The following CNTN6 variants were observed in gnomAD, a reference collection of about 807,000 sequenced individuals.
CNTN6 encodes contactin-6.
A neutral mutation model predicts 122.8 loss-of-function variants in CNTN6; 137 were observed. The ratio of observed to expected loss-of-function variants is 1.12; its 90% CI spans 0.97 to 1.29. The LOEUF (loss-of-function observed/expected upper bound fraction) is 1.29. CNTN6 is among the 50% of genes most tolerant of loss of function. The pLI, the probability that CNTN6 is intolerant of heterozygous loss-of-function variation, is 0.00. For synonymous variants in CNTN6, 570 were observed against 426.0 expected (o/e 1.34, Z -4.16); for missense variants, 1,634 against 1,223.4 (o/e 1.34, Z -5.01).
At chr3:1,358,533 T>G (rs920647945) in intron 12 of CNTN6, among the ~76,000 whole-genome samples, 1 of 151,810 alleles carries the variant, frequency 6.6e-6, no homozygotes, top group African/African-American at 2.4e-5. Context: ...ATGTTTTCAG[T>G]CTCTGGATCC....
At chr3:1,156,920 T>A (rs181102993) in intron 2 of CNTN6, among the ~76,000 whole-genome samples, 349 of 152,200 alleles carry the variant, frequency 2.3e-3, no homozygotes, top group African/African-American at 7.9e-3. Flanking sequence ...TCTCACTGTG[T>A]TGCTCAGGCT....
intron 11 of CNTN6, among the ~76,000 whole-genome samples, chr3:1,335,121 C>G (rs1184289176): frequency 6.6e-6 from 1 of 152,146 alleles, no homozygotes; most frequent in Non-Finnish European, 1.5e-5. Flanking sequence ...CTGATAACTT[C>G]TAGCAAGTCC....
At chr3:1,239,182 G>C (rs2094453808) in intron 4 of CNTN6, among the ~76,000 whole-genome samples, 1 of 152,108 alleles carries the variant, frequency 6.6e-6, no homozygotes. Flanking sequence ...ATTCAGAAAA[G>C]AGAAAGAAAT....
chr3:1,352,593 T>C, intron 12 of CNTN6, 142 bp downstream of exon 12: 1 of 925,850 alleles, frequency 1.1e-6, no homozygotes, highest in Admixed American at 2.6e-5. Context: ...TCCATTCCCG[T>C]ACTCATTAAT....
intron 4 of CNTN6, among the ~76,000 whole-genome samples, chr3:1,259,700 T>C (rs901751182): frequency 6.6e-6 from 1 of 152,130 alleles, no homozygotes; most frequent in African/African-American, 2.4e-5. Flanking sequence ...TGTTACATTC[T>C]GAGCCTTAAT....
chr3:1,304,123 G>C (rs1367330359), intron 7 of CNTN6, among the ~76,000 whole-genome samples: 1 of 152,136 alleles, frequency 6.6e-6, no homozygotes, highest in Non-Finnish European at 1.5e-5. Context: ...TCAGCTTAGT[G>C]ACACAGTACT....
At chr3:1,329,720 C>A in intron 10 of CNTN6, 65 bp from the exon 11 acceptor site, 1 of 1,344,304 alleles carries the variant, frequency 7.4e-7, no homozygotes, top group Non-Finnish European at 1.0e-6. Flanking sequence ...CATAGCAAGT[C>A]ACCCCTGGAG....
At chr3:1,308,018 G>C (rs1370144278) in intron 7 of CNTN6, among the ~76,000 whole-genome samples, 1 of 152,082 alleles carries the variant, frequency 6.6e-6, no homozygotes, top group Non-Finnish European at 1.5e-5. Context: ...CACATTTGAT[G>C]AATAGAGTGT....
intron 4 of CNTN6, among the ~76,000 whole-genome samples, chr3:1,232,764 G>A (rs186382544): frequency 9.2e-5 from 14 of 152,264 alleles, no homozygotes; most frequent in Non-Finnish European, 1.9e-4. Context: ...ATAACAGAGT[G>A]GAGCTCAAAG....
intron 11 of CNTN6, among the ~76,000 whole-genome samples, chr3:1,346,064 C>G (rs566460644): frequency 6.6e-6 from 1 of 151,206 alleles, no homozygotes; most frequent in African/African-American, 2.4e-5. Context: ...ATGGTTGATA[C>G]CAAACAAAAA....
intron 7 of CNTN6, 52 bp downstream of exon 7, chr3:1,298,043 A>G (rs772965929): frequency 7.5e-7 from 1 of 1,334,940 alleles, no homozygotes; most frequent in South Asian, 1.3e-5. Context: ...ATTTTTTTTT[A>G]TTAAAAACCT....
chr3:1,286,140 C>CTGGTACT (rs756940102), intron 5 of CNTN6, among the ~76,000 whole-genome samples: 3 of 152,196 alleles, frequency 2.0e-5, no homozygotes, highest in Non-Finnish European at 4.4e-5. Flanking sequence ...TTTTCCAACA[C>CTGGTACT]TGGTACACTT....
chr3:1,386,943 T>G (rs1693081861), intron 20 of CNTN6, among the ~76,000 whole-genome samples: 1 of 152,042 alleles, frequency 6.6e-6, no homozygotes, highest in Non-Finnish European at 1.5e-5. Context: ...AAGAAGTTAG[T>G]TAGGAACCAT....
rs147778034 is a variant in CNTN6, at chr3:1,166,559, C to T, written c.55+18496C>T. On this transcript the variant is annotated intron_variant, in intron 2 of 22. Transcript: ENST00000446702. Reference sequence around the variant, plus strand: ...TTTAAAGGAATCAAACTACACATCTCATCCAGATGACAGATGCTACTGGGG... The same window carrying T: ...TTTAAAGGAATCAAACTACACATCTTATCCAGATGACAGATGCTACTGGGG... 2.5e-3 allele frequency among the ~76,000 whole-genome samples: 386 copies of T among 152,258 alleles called. 2 individuals carry two copies. Among genetic ancestry groups the T allele is most frequent in the African/African-American group, 8.7e-3 (362 of 41,546 alleles).
At chr3:1,127,337 A>G (rs2092199613) in intron 1 of CNTN6, among the ~76,000 whole-genome samples, 1 of 152,022 alleles carries the variant, frequency 6.6e-6, no homozygotes, top group South Asian at 2.1e-4. Context: ...TACATAATGG[A>G]CAAAAGGATA....
At chr3:1,332,529 AGGAG>A (rs1553687755) in intron 11 of CNTN6, among the ~76,000 whole-genome samples, 1 of 97,380 alleles carries the variant, frequency 1.0e-5, no homozygotes. Context: ...GAAGGAAGGA[AGGAG>A]GGAGGGAAGG....
intron 11 of CNTN6, among the ~76,000 whole-genome samples, chr3:1,340,740 G>C (rs147624226): frequency 6.6e-6 from 1 of 152,200 alleles, no homozygotes; most frequent in Non-Finnish European, 1.5e-5. Context: ...GGGAATCCAG[G>C]ATTGGAAATT....
chr3:1,284,168 A>G (rs1380562267), intron 5 of CNTN6, among the ~76,000 whole-genome samples: 4 of 152,226 alleles, frequency 2.6e-5, no homozygotes, highest in Non-Finnish European at 5.9e-5. Context: ...CTGTGTCTGT[A>G]GCAGGAAGAT....
At chr3:1,359,138 T>C (rs2126097560) in intron 12 of CNTN6, among the ~76,000 whole-genome samples, 1 of 152,184 alleles carries the variant, frequency 6.6e-6, no homozygotes, top group Non-Finnish European at 1.5e-5. Context: ...GAGAATAGTC[T>C]GAATGAACAC....
Sources: gnomAD v4.1 joint callset for allele counts (sites outside exome capture counted in the v4.1 genomes callset) on GRCh38, gnomAD v4.1.1 for gene constraint, MANE v1.5 for transcripts, NCBI Gene and HGNC (gene_info 2026-07-23, HGNC 2026-07-21) for gene names.